Variants in KCNMA1 observed in about 807,000 individuals in gnomAD.
KCNMA1 encodes Calcium-activated potassium channel subunit alpha-1.
Under a neutral mutation model 140.0 loss-of-function variants are expected in KCNMA1, and 29 were observed. That is an observed-to-expected ratio of 0.21 (90% CI 0.15 to 0.28). The LOEUF is 0.28. Ranked by LOEUF, KCNMA1 falls within the 10% of genes least tolerant of loss-of-function variation. The pLI, the probability that KCNMA1 is intolerant of heterozygous loss-of-function variation, is 1.00. For missense variants in KCNMA1, 880 were observed against 1,602.2 expected (o/e 0.55, Z 7.70); for synonymous variants, 612 against 611.9 (o/e 1.00, Z 0.00).
chr10:76,967,374 C>T (rs906298903), intron 20 of KCNMA1, among the ~76,000 whole-genome samples: 3 of 152,016 alleles, frequency 2.0e-5, no homozygotes, highest in Admixed American at 6.6e-5. Context: ...TCGGAAGAGG[C>T]GGGGGCAACT....
chr10:77,478,419 C>T (rs943647180), intron 1 of KCNMA1, among the ~76,000 whole-genome samples: 5 of 152,220 alleles, frequency 3.3e-5, no homozygotes, highest in African/African-American at 1.2e-4. Flanking sequence ...ACCAGGAATG[C>T]TCCAAACACA....
chr10:77,203,550 G>C (rs1048640395), intron 3 of KCNMA1, among the ~76,000 whole-genome samples: 1 of 152,102 alleles, frequency 6.6e-6, no homozygotes, highest in African/African-American at 2.4e-5. Flanking sequence ...TTGTGTATCT[G>C]TCTCCCTTCC....
intron 2 of KCNMA1, among the ~76,000 whole-genome samples, chr10:77,334,072 C>A (rs2087785974): frequency 6.6e-6 from 1 of 152,208 alleles, no homozygotes; most frequent in Admixed American, 6.5e-5. Flanking sequence ...ACCACACCTC[C>A]TTTCCTTTGC....
At chr10:77,154,866 C>T (rs1006456758) in intron 5 of KCNMA1, among the ~76,000 whole-genome samples, 1 of 152,236 alleles carries the variant, frequency 6.6e-6, no homozygotes, top group African/African-American at 2.4e-5. Flanking sequence ...CAAGCAAATG[C>T]TTGTATAAAT....
intron 18 of KCNMA1, among the ~76,000 whole-genome samples, chr10:77,006,688 T>C (rs1907717): frequency 0.64 from 97,242 of 152,082 alleles, 31,510 homozygotes; most frequent in Middle Eastern, 0.78. Context: ...CTGCCCCTAA[T>C]GACTGTATTG....
intron 19 of KCNMA1, chr10:76,995,793 T>A (rs1362323353): frequency 2.4e-6 from 1 of 417,928 alleles, no homozygotes; most frequent in African/African-American, 2.1e-5. Context: ...CATGCCAACA[T>A]CTTTTCTAGT....
intron 26 of KCNMA1, 151 bp downstream of exon 26, chr10:76,891,374 G>A (rs1023940324): frequency 1.4e-6 from 1 of 699,658 alleles, no homozygotes; most frequent in Non-Finnish European, 2.5e-6. Flanking sequence ...CTGATCCAGA[G>A]TAAACTATAA....
intron 3 of KCNMA1, among the ~76,000 whole-genome samples, chr10:77,215,690 T>G (rs2047518837): frequency 6.6e-6 from 1 of 152,122 alleles, no homozygotes; most frequent in South Asian, 2.1e-4. Flanking sequence ...TGCTATGAAC[T>G]GGATTGCATT....
intron 1 of KCNMA1, among the ~76,000 whole-genome samples, chr10:77,534,669 A>C (rs952482081): frequency 6.6e-6 from 1 of 152,232 alleles, no homozygotes; most frequent in Non-Finnish European, 1.5e-5. Context: ...GGTAGATGGA[A>C]GGAATAAGAT....
intron 5 of KCNMA1, among the ~76,000 whole-genome samples, chr10:77,176,047 T>C (rs1188872631): frequency 1.3e-5 from 2 of 152,214 alleles, no homozygotes; most frequent in Non-Finnish European, 2.9e-5. Flanking sequence ...AGAATCATCC[T>C]GACCCTGCCT....
At chr10:77,084,534 C>G (rs965702566) in intron 12 of KCNMA1, 103 bp downstream of exon 12, 53 of 885,952 alleles carry the variant, frequency 6.0e-5, no homozygotes, top group South Asian at 1.7e-4. Context: ...GCTTGTGGGG[C>G]AAAAAGGCCT....
chr10:77,178,534 G>A (rs1016612219), intron 5 of KCNMA1, among the ~76,000 whole-genome samples: 9 of 151,946 alleles, frequency 5.9e-5, no homozygotes, highest in East Asian at 1.9e-4. Flanking sequence ...TGGCGATCCC[G>A]TCTCTACTAA....
intron 20 of KCNMA1, among the ~76,000 whole-genome samples, chr10:76,957,429 A>T (rs1331799941): frequency 1.3e-5 from 2 of 152,198 alleles, no homozygotes; most frequent in Non-Finnish European, 2.9e-5. Flanking sequence ...TTGACAGCAG[A>T]CTAAGAATGA....
intron 1 of KCNMA1, among the ~76,000 whole-genome samples, chr10:77,436,994 AC>A (rs1566843522): frequency 5.2e-4 from 66 of 126,700 alleles, no homozygotes; most frequent in Middle Eastern, 3.8e-3. Flanking sequence ...ACACACACAC[AC>A]ACTCCTTCAG....
chr10:77,498,163 C>CA, intron 1 of KCNMA1, among the ~76,000 whole-genome samples: 1 of 152,222 alleles, frequency 6.6e-6, no homozygotes, highest in Admixed American at 6.5e-5. Flanking sequence ...CCCTGAGAAG[C>CA]GGCAGGATGG....
intron 1 of KCNMA1, among the ~76,000 whole-genome samples, chr10:77,547,290 C>A (rs924643386): frequency 1.2e-4 from 19 of 152,236 alleles, no homozygotes; most frequent in African/African-American, 3.6e-4. Flanking sequence ...TGCCTCCCCA[C>A]AGGGCTGCAA....
intron 12 of KCNMA1, chr10:77,079,800 C>A: frequency 1.8e-6 from 1 of 550,638 alleles, no homozygotes; most frequent in Non-Finnish European, 3.3e-6. Context: ...ATGGCAACAC[C>A]CAGGAGGTTC....
intron 14 of KCNMA1, among the ~76,000 whole-genome samples, chr10:77,044,521 C>A (rs1409610016): frequency 6.6e-6 from 1 of 152,054 alleles, no homozygotes; most frequent in Non-Finnish European, 1.5e-5. Context: ...TGGTAGCACA[C>A]CCCTGTAGTG....
At chr10:76,882,852 T>C (rs1010452661), downstream of KCNMA1, among the ~76,000 whole-genome samples, 1 of 152,192 alleles carries the variant, frequency 6.6e-6, no homozygotes, top group Non-Finnish European at 1.5e-5. Context: ...GCTACTTCTT[T>C]ATCATATTGT....
Sources: allele counts gnomAD v4.1 joint callset (sites outside exome capture counted in the v4.1 genomes callset), GRCh38; gene constraint gnomAD v4.1.1; transcripts MANE v1.5; gene names NCBI Gene and HGNC (gene_info 2026-07-23, HGNC 2026-07-21).